Variants in NARS2 observed in about 807,000 individuals in gnomAD.
The protein encoded by NARS2 is asparaginyl-tRNA synthetase 2, mitochondrial.
NARS2 carries 60 observed loss-of-function variants against 62.9 expected under a neutral mutation model. The observed-to-expected ratio is 0.95, with a 90% CI of 0.77 to 1.18. NARS2 has a LOEUF of 1.18. NARS2 is among the 50% of genes most tolerant of loss of function. The probability of loss-of-function intolerance (pLI) is 0.00; values close to 1 mark genes in which losing one functional copy is unlikely to be tolerated. For missense variants in NARS2, 619 were observed against 576.4 expected (o/e 1.07, Z -0.76); for synonymous variants, 196 against 200.0 (o/e 0.98, Z 0.17).
At position 78,469,302 on chromosome 11, in the gene NARS2, G is replaced by A; in HGVS notation, c.971C>T (p.Thr324Ile). 1 of 1,612,914 alleles carries A rather than the reference G, an allele frequency of 6.2e-7. No homozygotes were observed. Among genetic ancestry groups the A allele is most frequent in the African/African-American group, 1.3e-5 (1 of 74,986 alleles). ...TTGCTTTAAGATCTCCACTGCTTCA[G>A]TATAAGAAATGCTGGAGGAAAACAG... is the stretch of plus-strand genomic sequence containing the variant. ...LKNNFLIISY[T>I]EAVEILKQAS... Residue 324 changes from threonine to isoleucine, a missense_variant, in exon 10 of 14, where the codon ACT becomes ATT. Thr to Ile is a moderately conservative substitution (Grantham distance 89). Transcript: ENST00000281038.
At chr11:78,559,301 CAAAAAAAAAAAAAAAAA>C (rs10627726) in intron 5 of NARS2, among the ~76,000 whole-genome samples, 1 of 58,452 alleles carries the variant, frequency 1.7e-5, no homozygotes, top group Non-Finnish European at 2.7e-5. Flanking sequence ...GACTCCATCT[CAAAAAAAAAAAAAAAAA>C]AAAAAAAAAA....
rs1565217188 is a variant in NARS2 at position 78,467,559 on chromosome 11, A to AATT, written c.1027-1547_1027-1546insAAT. Among the ~76,000 whole-genome samples the AATT allele has an allele frequency of 1.6e-4, 24 of 146,852 alleles. No individual in the cohort carries two copies. The East Asian group carries it at 5.1e-3, about 31-fold the overall frequency. Reference sequence around the variant, plus strand: ...TCTTTCAAAAAATAAATAAATAAATAAATAAATAAATTAATTAATTAATTA... The same window carrying AATT: ...TCTTTCAAAAAATAAATAAATAAATAATTAATAAATAAATTAATTAATTAATTA... On this transcript the variant is annotated intron_variant, in intron 10 of 13. Transcript: ENST00000281038.
At chr11:78,560,033 G>C (rs1203474328) in intron 4 of NARS2, among the ~76,000 whole-genome samples, 1 of 152,098 alleles carries the variant, frequency 6.6e-6, no homozygotes, top group African/African-American at 2.4e-5. Context: ...GCACACTATA[G>C]GCTAATGCAT....
intron 9 of NARS2, 99 bp from the exon 10 acceptor site, chr11:78,469,412 G>C: frequency 1.3e-6 from 1 of 797,982 alleles, no homozygotes; most frequent in Non-Finnish European, 2.2e-6. Flanking sequence ...ATATCACACT[G>C]TGAGGTCATG....
chr11:78,489,470 A>T (rs1859724204), intron 7 of NARS2, among the ~76,000 whole-genome samples: 1 of 152,228 alleles, frequency 6.6e-6, no homozygotes, highest in Admixed American at 6.5e-5. Context: ...AGAACAAGTA[A>T]AACTTCCATA....
intron 5 of NARS2, among the ~76,000 whole-genome samples, chr11:78,552,825 C>T (rs1264227570): frequency 6.6e-6 from 1 of 152,216 alleles, no homozygotes; most frequent in Admixed American, 6.5e-5. Flanking sequence ...CACATGTCAT[C>T]AGGGCCTCCT....
chr11:78,567,525 A>G (rs1856786171), intron 3 of NARS2, among the ~76,000 whole-genome samples: 1 of 152,204 alleles, frequency 6.6e-6, no homozygotes, highest in African/African-American at 2.4e-5. Flanking sequence ...AACACACGGC[A>G]AATTTTTAGT....
intron 5 of NARS2, among the ~76,000 whole-genome samples, chr11:78,554,500 C>CGTGCGTGTGTGT (rs1555041388): frequency 2.4e-5 from 1 of 42,498 alleles, no homozygotes; most frequent in African/African-American, 5.1e-5. Context: ...TATTCCTAGG[C>CGTGCGTGTGTGT]GTGTGTGCGT....
intron 1 of NARS2, chr11:78,571,810 C>T (rs1427585089): frequency 5.8e-6 from 1 of 173,466 alleles, no homozygotes; most frequent in Non-Finnish European, 1.2e-5. Flanking sequence ...TATCTTGGTG[C>T]CTTTCTCAGG....
intron 4 of NARS2, among the ~76,000 whole-genome samples, chr11:78,563,886 T>TCAC: frequency 1.7e-5 from 1 of 58,126 alleles, no homozygotes; most frequent in African/African-American, 1.1e-4. Context: ...ACACACACAG[T>TCAC]ATTATTATTA....
At chr11:78,506,791 A>T (rs557993282) in intron 6 of NARS2, among the ~76,000 whole-genome samples, 130 of 152,338 alleles carry the variant, frequency 8.5e-4, no homozygotes, top group African/African-American at 3.1e-3. Flanking sequence ...CACCTGCCTC[A>T]GCCTCCGACA....
intron 1 of NARS2, chr11:78,573,506 A>C (rs1375437554): frequency 6.6e-6 from 1 of 152,280 alleles, no homozygotes; most frequent in Non-Finnish European, 1.5e-5. Context: ...ACTGCGCTCC[A>C]GTCTGGGTGA....
At chr11:78,529,026 A>G in intron 5 of NARS2, 90 bp from the exon 6 acceptor site, 1 of 830,998 alleles carries the variant, frequency 1.2e-6, no homozygotes. Flanking sequence ...AAAAATCACA[A>G]TGCAATTAAA....
At chr11:78,436,915 T>C (rs1857428101) in intron 13 of NARS2, 101 bp from the exon 14 acceptor site, 3 of 1,191,300 alleles carry the variant, frequency 2.5e-6, no homozygotes, top group East Asian at 2.4e-5. Context: ...TCATTTGTTA[T>C]TGTTTACCTC....
chr11:78,507,897 C>T (rs116547602), intron 6 of NARS2, among the ~76,000 whole-genome samples: 1,588 of 152,078 alleles, frequency 0.01, 21 homozygotes, highest in African/African-American at 0.036. Context: ...AATAAATCCA[C>T]AGAAATTGTC....
chr11:78,484,776 A>G (rs1859502239), intron 7 of NARS2, among the ~76,000 whole-genome samples: 1 of 152,320 alleles, frequency 6.6e-6, no homozygotes, highest in South Asian at 2.1e-4. Context: ...ATGCTTTTAC[A>G]CTGTTGGTGG....
rs779726694 is a variant in NARS2, at chr11:78,478,650, T to C, written c.856A>G (p.Met286Val). Residue 286 changes from methionine (M) to valine (V), a missense_variant, in exon 8 of 14, where the codon ATG becomes GTG. By Grantham distance (21) the Met-to-Val change is conservative. Transcript: ENST00000281038. ...TCTTCAGGACATTTTGAGAGAACCA[T>C]CATTGTTGTAGCCTTGAACAGTTCC... ...IEELFKATTM[M>V]VLSKCPEDVE... 5 of 1,611,872 alleles carry C rather than the reference T, an allele frequency of 3.1e-6. No homozygotes were observed. The highest frequency in any genetic ancestry group is 4.2e-6 in the Non-Finnish European group (5 of 1,178,758).
intron 4 of NARS2, among the ~76,000 whole-genome samples, chr11:78,560,938 A>G (rs993862115): frequency 1.3e-5 from 2 of 152,252 alleles, no homozygotes; most frequent in African/African-American, 4.8e-5. Context: ...TGAGTGCAGT[A>G]AACAAAGAAA....
intron 7 of NARS2, 102 bp downstream of exon 7, chr11:78,492,961 C>T (rs1403549976): frequency 1.9e-6 from 2 of 1,028,160 alleles, no homozygotes; most frequent in South Asian, 3.2e-5. Flanking sequence ...CCCTTCTTTT[C>T]ACTTTATGAA....
Sources: allele counts gnomAD v4.1 joint callset (sites outside exome capture counted in the v4.1 genomes callset), GRCh38; gene constraint gnomAD v4.1.1; transcripts MANE v1.5; gene names NCBI Gene and HGNC (gene_info 2026-07-23, HGNC 2026-07-21).